The following SORCS3 variants were observed in gnomAD, a reference collection of about 807,000 sequenced individuals.
The protein encoded by SORCS3 is sortilin related VPS10 domain containing receptor 3.
A neutral mutation model predicts 146.3 loss-of-function variants in SORCS3; 57 were observed. The ratio of observed to expected loss-of-function variants is 0.39; its 90% CI spans 0.31 to 0.49. The LOEUF (loss-of-function observed/expected upper bound fraction) is 0.49, where lower values mean the gene tolerates loss of function less well. Ranked by LOEUF, SORCS3 falls within the 20% of genes least tolerant of loss-of-function variation. SORCS3 has a pLI of 0.92. For synonymous variants in SORCS3, 653 were observed against 618.5 expected (o/e 1.06, Z -0.83); for missense variants, 1,341 against 1,575.5 (o/e 0.85, Z 2.52).
At chr10:105,072,370 G>T (rs2055562139) in intron 5 of SORCS3, among the ~76,000 whole-genome samples, 1 of 152,200 alleles carries the variant, frequency 6.6e-6, no homozygotes, top group Admixed American at 6.5e-5. Flanking sequence ...CCCAGCCCCA[G>T]ACTAGGCAGA....
rs183483316 is a variant in SORCS3 at position 104,848,016 on chromosome 10, G to A, written c.695+5157G>A. On this transcript the variant is annotated intron_variant, in intron 2 of 26. Coordinates refer to ENST00000369701, the MANE Select transcript of SORCS3 (RefSeq NM_014978.3). Reference sequence around the variant, plus strand: ...AGCTTTATATCCTTACACCATACTGGTGATTCGTTCCTAGCCTGTGAACTT... The same window carrying A: ...AGCTTTATATCCTTACACCATACTGATGATTCGTTCCTAGCCTGTGAACTT... Among the ~76,000 whole-genome samples the A allele has an allele frequency of 9.9e-5, 15 of 152,206 alleles. No individual in the cohort carries two copies. In the East Asian group the frequency reaches 2.3e-3, roughly 24 times the overall value.
At chr10:104,863,938 C>T (rs970370926) in intron 2 of SORCS3, among the ~76,000 whole-genome samples, 5 of 152,224 alleles carry the variant, frequency 3.3e-5, no homozygotes, top group African/African-American at 1.2e-4. Flanking sequence ...GAAGCAGTTG[C>T]CAGATTGCCT....
chr10:105,259,903 C>T (rs936605764), intron 25 of SORCS3, among the ~76,000 whole-genome samples: 7 of 152,090 alleles, frequency 4.6e-5, no homozygotes, highest in African/African-American at 1.2e-4. Flanking sequence ...CTTATTTAAA[C>T]CTGTATGAAT....
chr10:104,744,504 C>G (rs185745155), intron 1 of SORCS3, among the ~76,000 whole-genome samples: 1 of 151,976 alleles, frequency 6.6e-6, no homozygotes, highest in East Asian at 1.9e-4. Flanking sequence ...CACAACAATC[C>G]TATGGAGAAC....
At chr10:104,948,047 A>C (rs2019391559) in intron 3 of SORCS3, among the ~76,000 whole-genome samples, 1 of 152,254 alleles carries the variant, frequency 6.6e-6, no homozygotes, top group Non-Finnish European at 1.5e-5. Context: ...GACTGGCAAC[A>C]GGCTAAGAGT....
intron 1 of SORCS3, among the ~76,000 whole-genome samples, chr10:104,700,385 C>T (rs761052687): frequency 9.9e-5 from 15 of 152,010 alleles, no homozygotes; most frequent in African/African-American, 1.4e-4. Context: ...TTGTTAGTTT[C>T]ATGTTCCAGC....
chr10:105,004,014 T>TC (rs2055078247), intron 4 of SORCS3, among the ~76,000 whole-genome samples: 2 of 151,290 alleles, frequency 1.3e-5, no homozygotes, highest in African/African-American at 2.4e-5. Context: ...TTTTTTTTTT[T>TC]ACCAGAGAAG....
chr10:104,645,838 C>A (rs1323665746), intron 1 of SORCS3, among the ~76,000 whole-genome samples: 1 of 152,150 alleles, frequency 6.6e-6, no homozygotes, highest in African/African-American at 2.4e-5. Context: ...AATTGTATTT[C>A]ACTCACTGGA....
chr10:104,845,315 A>T (rs1165256137), intron 2 of SORCS3, among the ~76,000 whole-genome samples: 1 of 152,130 alleles, frequency 6.6e-6, no homozygotes, highest in South Asian at 2.1e-4. Flanking sequence ...GAGAGAGGGA[A>T]TTTTTTTCAC....
At chr10:104,710,748 C>G (rs899135596) in intron 1 of SORCS3, among the ~76,000 whole-genome samples, 3 of 150,776 alleles carry the variant, frequency 2.0e-5, no homozygotes. Flanking sequence ...CTCATAGGAG[C>G]TTTCTCCAGA....
chr10:104,828,024 T>C (rs1053772090), intron 1 of SORCS3, among the ~76,000 whole-genome samples: 11 of 152,230 alleles, frequency 7.2e-5, no homozygotes, highest in African/African-American at 2.7e-4. Flanking sequence ...ATGAGTGTTG[T>C]GGCTGGTTTG....
chr10:105,006,625 A>G (rs9783191), intron 4 of SORCS3, among the ~76,000 whole-genome samples: 34,860 of 151,902 alleles, frequency 0.23, 4,564 homozygotes, highest in African/African-American at 0.35. Flanking sequence ...TCTCTCTGCC[A>G]TTGCCACTTC....
chr10:105,115,874 A>T (rs1434170379), intron 7 of SORCS3, among the ~76,000 whole-genome samples: 1 of 152,232 alleles, frequency 6.6e-6, no homozygotes, highest in East Asian at 1.9e-4. Context: ...AATGTTAAAT[A>T]AATAGCAATT....
At chr10:104,997,743 T>C (rs1423787790) in intron 4 of SORCS3, among the ~76,000 whole-genome samples, 1 of 152,206 alleles carries the variant, frequency 6.6e-6, no homozygotes, top group Non-Finnish European at 1.5e-5. Context: ...CTCTGTAACA[T>C]GGCTAATTTT....
chr10:105,218,030 C>T (rs1046636354), intron 19 of SORCS3, among the ~76,000 whole-genome samples: 7 of 152,064 alleles, frequency 4.6e-5, no homozygotes, highest in Non-Finnish European at 8.8e-5. Context: ...CAAGGAGCAC[C>T]CTCCTATTAA....
intron 4 of SORCS3, among the ~76,000 whole-genome samples, chr10:105,016,387 G>T (rs1276003564): frequency 6.6e-6 from 1 of 151,122 alleles, no homozygotes; most frequent in Non-Finnish European, 1.5e-5. Context: ...TTGTCCTCAT[G>T]ATCCACCCAC....
chr10:105,214,356 T>C, intron 17 of SORCS3, 86 bp from the exon 18 acceptor site: 1 of 1,468,322 alleles, frequency 6.8e-7, no homozygotes, highest in Non-Finnish European at 9.4e-7. Context: ...TCTCTTACAT[T>C]CCCTTTATAA....
At chr10:105,229,970 C>T (rs192295948) in intron 20 of SORCS3, among the ~76,000 whole-genome samples, 3 of 152,250 alleles carry the variant, frequency 2.0e-5, no homozygotes, top group Admixed American at 2.0e-4. Flanking sequence ...GCAGTTTCCA[C>T]TGATGTTAGT....
chr10:104,927,268 G>T (rs970231474), intron 3 of SORCS3, among the ~76,000 whole-genome samples: 7 of 152,146 alleles, frequency 4.6e-5, no homozygotes, highest in Non-Finnish European at 1.0e-4. Flanking sequence ...ATTCCTGGAT[G>T]GCCACATACA....
Sources: gnomAD v4.1 joint callset for allele counts (sites outside exome capture counted in the v4.1 genomes callset) on GRCh38, gnomAD v4.1.1 for gene constraint, MANE v1.5 for transcripts, NCBI Gene and HGNC (gene_info 2026-07-23, HGNC 2026-07-21) for gene names.